The following NEGR1 variants were observed in gnomAD, a reference collection of about 807,000 sequenced individuals.
NEGR1 encodes the protein neuronal growth regulator 1.
A neutral mutation model predicts 40.9 loss-of-function variants in NEGR1; 10 were observed. The observed-to-expected ratio is 0.24, with a 90% confidence interval of 0.15 to 0.42. NEGR1 has a LOEUF of 0.42. NEGR1 is among the 10% of genes least tolerant of loss of function. NEGR1 has a pLI of 1.00. For missense variants in NEGR1, 352 were observed against 438.9 expected, an observed-to-expected ratio of 0.80 and a Z score of 1.77; for synonymous variants, 185 against 166.8, an observed-to-expected ratio of 1.11 and a Z score of -0.84.
intron 2 of NEGR1, among the ~76,000 whole-genome samples, chr1:71,905,554 C>T (rs1454411553): frequency 6.6e-6 from 1 of 151,922 alleles, no homozygotes; most frequent in African/African-American, 2.4e-5. Context: ...GAAGATTATT[C>T]AGTGAAGTTA....
chr1:71,411,167 G>A (rs980694916), intron 6 of NEGR1, among the ~76,000 whole-genome samples: 2 of 152,074 alleles, frequency 1.3e-5, no homozygotes, highest in African/African-American at 4.8e-5. Flanking sequence ...AACCTATAAG[G>A]AGACAAAATA....
chr1:72,007,371 A>G (rs928150860), intron 1 of NEGR1, among the ~76,000 whole-genome samples: 7 of 151,574 alleles, frequency 4.6e-5, no homozygotes, highest in Non-Finnish European at 1.0e-4. Context: ...AAAAATACAT[A>G]TATGAAAGAA....
At chr1:72,194,076 C>A (rs909789250) in intron 1 of NEGR1, among the ~76,000 whole-genome samples, 2 of 151,704 alleles carry the variant, frequency 1.3e-5, no homozygotes, top group East Asian at 3.9e-4. Context: ...ATTTAAAGAG[C>A]ATATAGTTGG....
chr1:71,989,740 AC>A (rs990334604), intron 1 of NEGR1, among the ~76,000 whole-genome samples: 1 of 152,188 alleles, frequency 6.6e-6, no homozygotes, highest in African/African-American at 2.4e-5. Flanking sequence ...TCTTAAAAAA[AC>A]TTCTTTTTTA....
At chr1:71,596,042 C>T (rs937901524) in intron 5 of NEGR1, among the ~76,000 whole-genome samples, 20 of 30,818 alleles carry the variant, frequency 6.5e-4, no homozygotes, top group Admixed American at 5.2e-4. Flanking sequence ...CCCTCCCTGC[C>T]ACAAAAAAAA....
Position 71,534,921 on chromosome 1 carries a change from G to A in NEGR1, c.940+57896C>T, listed in dbSNP as rs188763318. Among the ~76,000 whole-genome samples the A allele has an allele frequency of 2.3e-3, 354 of 151,598 alleles. 1 individual carries two copies. The highest frequency in any genetic ancestry group is 8.1e-3 in the African/African-American group (336 of 41,448). ...AAATTTTAAATAAAAAATTATATCA[G>A]AGAAATGATGTTCTAATGAACACTG... On this transcript the variant is annotated intron_variant, in intron 6 of 6. Coordinates refer to ENST00000357731, the MANE Select transcript of NEGR1 (RefSeq NM_173808.3).
chr1:71,441,362 TG>T (rs2101312495), intron 6 of NEGR1, among the ~76,000 whole-genome samples: 2 of 152,286 alleles, frequency 1.3e-5, no homozygotes, highest in South Asian at 4.1e-4. Flanking sequence ...GCCCTCCCAC[TG>T]GGGGCAGTAT....
At chr1:71,791,120 T>C (rs965277367) in intron 2 of NEGR1, among the ~76,000 whole-genome samples, 1 of 152,084 alleles carries the variant, frequency 6.6e-6, no homozygotes, top group African/African-American at 2.4e-5. Context: ...CAAAACTGTA[T>C]AAATAGAAAG....
At chr1:71,737,869 G>T (rs918458122) in intron 3 of NEGR1, among the ~76,000 whole-genome samples, 1 of 152,096 alleles carries the variant, frequency 6.6e-6, no homozygotes, top group African/African-American at 2.4e-5. Context: ...CCCAATTTTA[G>T]GATCTCTCTG....
Position 71,983,013 on chromosome 1 carries a change from A to T in NEGR1, c.177-47702T>A, listed in dbSNP as rs572725645. ...GTAGTTCTTATGAATCCTATACATA[A>T]AACAAAACTGCTGCACATGCTACCT... On this transcript the variant is annotated intron_variant, in intron 1 of 6. Coordinates refer to ENST00000357731, the MANE Select transcript of NEGR1 (RefSeq NM_173808.3). Among the ~76,000 whole-genome samples, 18 of 152,236 alleles carry T rather than the reference A, an allele frequency of 1.2e-4. No homozygotes were observed. In the Middle Eastern group the frequency reaches 0.01, roughly 86 times the overall value.
At chr1:71,976,028 G>A (rs987014011) in intron 1 of NEGR1, among the ~76,000 whole-genome samples, 3 of 152,232 alleles carry the variant, frequency 2.0e-5, no homozygotes, top group South Asian at 4.1e-4. Context: ...ATAAATCCGC[G>A]ATAAACATGA....
intron 6 of NEGR1, among the ~76,000 whole-genome samples, chr1:71,543,620 A>G (rs1451628836): frequency 6.6e-6 from 1 of 151,716 alleles, no homozygotes; most frequent in Non-Finnish European, 1.5e-5. Flanking sequence ...AATTCACTGT[A>G]CATACATAAA....
intron 3 of NEGR1, among the ~76,000 whole-genome samples, chr1:71,749,405 T>C (rs1205203954): frequency 6.6e-6 from 1 of 152,220 alleles, no homozygotes; most frequent in Non-Finnish European, 1.5e-5. Context: ...AAAATGAACA[T>C]AATAATATCA....
intron 1 of NEGR1, among the ~76,000 whole-genome samples, chr1:72,189,376 C>T (rs963087956): frequency 6.6e-6 from 1 of 151,490 alleles, no homozygotes; most frequent in Non-Finnish European, 1.5e-5. Flanking sequence ...CTCTTTCCCA[C>T]AAGAAGCTAG....
intron 6 of NEGR1, among the ~76,000 whole-genome samples, chr1:71,534,613 GT>G (rs1283697139): frequency 3.3e-5 from 5 of 151,750 alleles, no homozygotes; most frequent in Non-Finnish European, 5.9e-5. Flanking sequence ...GCAATTTGTT[GT>G]TATTGAGAAG....
chr1:71,599,126 T>G (rs2101529674), intron 5 of NEGR1, among the ~76,000 whole-genome samples: 1 of 152,316 alleles, frequency 6.6e-6, no homozygotes, highest in African/African-American at 2.4e-5. Flanking sequence ...TCACAAAGTG[T>G]TAATGTTAAA....
chr1:71,999,596 C>T (rs1177690963), intron 1 of NEGR1, among the ~76,000 whole-genome samples: 2 of 123,924 alleles, frequency 1.6e-5, no homozygotes, highest in East Asian at 2.0e-4. Context: ...CTTCTCACTC[C>T]CAAAATTCTT....
intron 5 of NEGR1, among the ~76,000 whole-genome samples, chr1:71,593,369 G>A (rs1649571723): frequency 6.6e-6 from 1 of 152,122 alleles, no homozygotes; most frequent in African/African-American, 2.4e-5. Flanking sequence ...GTAAGCTGGC[G>A]AGAGTATGTC....
At chr1:71,440,336 A>G (rs556079780) in intron 6 of NEGR1, among the ~76,000 whole-genome samples, 1 of 152,338 alleles carries the variant, frequency 6.6e-6, no homozygotes, top group East Asian at 1.9e-4. Context: ...ATCTGCATTC[A>G]TTGCCAACAA....
Sources: gnomAD v4.1 joint callset for allele counts (sites outside exome capture counted in the v4.1 genomes callset) on GRCh38, gnomAD v4.1.1 for gene constraint, MANE v1.5 for transcripts, NCBI Gene and HGNC (gene_info 2026-07-23, HGNC 2026-07-21) for gene names.